CLINT1: variants seen among roughly 807,000 people sequenced by gnomAD.
CLINT1 encodes the protein clathrin interacting protein localized in the trans-Golgi region.
A neutral mutation model predicts 70.4 loss-of-function variants in CLINT1; 15 were observed. The observed-to-expected ratio is 0.21, with a 90% CI of 0.14 to 0.33. The LOEUF (loss-of-function observed/expected upper bound fraction) is 0.33. Among genes scored for constraint, CLINT1 ranks in the 10% least tolerant of loss-of-function variants. The probability of loss-of-function intolerance (pLI) is 1.00; values close to 1 mark genes in which losing one functional copy is unlikely to be tolerated. For missense variants in CLINT1, 615 were observed against 778.1 expected (o/e 0.79, Z 2.49); for synonymous variants, 227 against 254.7 (o/e 0.89, Z 1.04).
At chr5:157,798,347 T>C (rs1762122679) in intron 8 of CLINT1, among the ~76,000 whole-genome samples, 1 of 152,204 alleles carries the variant, frequency 6.6e-6, no homozygotes, top group East Asian at 1.9e-4. Flanking sequence ...AGAACTGTCA[T>C]TATAAATGAA....
At chr5:157,795,259 C>T (rs1022285289) in intron 8 of CLINT1, 3 of 321,222 alleles carry the variant, frequency 9.3e-6, no homozygotes, top group Non-Finnish European at 1.1e-5. Context: ...GGAAATAATA[C>T]AACTTATCTA....
chr5:157,821,151 C>T (rs1033411619), intron 1 of CLINT1, among the ~76,000 whole-genome samples: 1 of 152,014 alleles, frequency 6.6e-6, no homozygotes, highest in African/African-American at 2.4e-5. Flanking sequence ...TTTCTACTTA[C>T]ATTTCCTTTC....
chr5:157,815,150 A>ACACAG (rs1762681420), intron 3 of CLINT1, among the ~76,000 whole-genome samples: 1 of 135,728 alleles, frequency 7.4e-6, no homozygotes, highest in Admixed American at 7.4e-5. Context: ...CACACACACA[A>ACACAG]ATAGCTGGGT....
At chr5:157,832,059 C>G (rs1258455460) in intron 1 of CLINT1, among the ~76,000 whole-genome samples, 1 of 152,046 alleles carries the variant, frequency 6.6e-6, no homozygotes, top group Admixed American at 6.5e-5. Context: ...AGGATCTCGG[C>G]TCGCTGCAGT....
chr5:157,824,597 C>T (rs1000996501), intron 1 of CLINT1, among the ~76,000 whole-genome samples: 25 of 152,144 alleles, frequency 1.6e-4, no homozygotes, highest in Non-Finnish European at 3.5e-4. Context: ...GATAATTTTG[C>T]TATAGTAAAC....
intron 1 of CLINT1, among the ~76,000 whole-genome samples, chr5:157,824,771 A>C (rs1762983674): frequency 6.6e-6 from 1 of 152,228 alleles, no homozygotes; most frequent in Non-Finnish European, 1.5e-5. Context: ...CACAACTAGT[A>C]AATGGCATAT....
intron 3 of CLINT1, among the ~76,000 whole-genome samples, 175 bp downstream of exon 3, chr5:157,816,559 T>C (rs1031110543): frequency 6.6e-6 from 1 of 152,178 alleles, no homozygotes; most frequent in African/African-American, 2.4e-5. Flanking sequence ...TTCAGAACAA[T>C]TGTTCATGAT....
intron 8 of CLINT1, chr5:157,795,758 T>C (rs1287329841): frequency 2.0e-5 from 3 of 152,236 alleles, no homozygotes; most frequent in African/African-American, 7.2e-5. Context: ...TCTGGTGTGG[T>C]GGCTCATGCC....
At chr5:157,846,914 C>T (rs1400603063) in intron 1 of CLINT1, among the ~76,000 whole-genome samples, 1 of 152,198 alleles carries the variant, frequency 6.6e-6, no homozygotes, top group African/African-American at 2.4e-5. Context: ...TTTAAGCCCA[C>T]TGTTGAGATC....
intron 7 of CLINT1, among the ~76,000 whole-genome samples, chr5:157,805,221 T>C (rs1435949216): frequency 6.6e-6 from 1 of 152,140 alleles, no homozygotes; most frequent in Non-Finnish European, 1.5e-5. Context: ...AGACACAAAC[T>C]GGGGAAACAG....
intron 1 of CLINT1, among the ~76,000 whole-genome samples, chr5:157,840,262 A>C (rs1753127563): frequency 6.6e-6 from 1 of 151,356 alleles, no homozygotes; most frequent in South Asian, 2.1e-4. Flanking sequence ...AAAAAAAAAA[A>C]CAAAAAACTG....
intron 6 of CLINT1, 116 bp downstream of exon 6, chr5:157,809,512 A>AT: frequency 8.7e-6 from 6 of 691,218 alleles, no homozygotes; most frequent in Non-Finnish European, 1.1e-5. Context: ...AAAAAAAAAA[A>AT]GGCCCAATTT....
chr5:157,807,960 C>G (rs906599736), intron 6 of CLINT1, among the ~76,000 whole-genome samples: 1 of 152,036 alleles, frequency 6.6e-6, no homozygotes, highest in African/African-American at 2.4e-5. Flanking sequence ...CCTGAAATGT[C>G]TCTTTTTCAA....
chr5:157,814,765 T>C (rs1427035907), intron 3 of CLINT1, among the ~76,000 whole-genome samples: 1 of 152,142 alleles, frequency 6.6e-6, no homozygotes, highest in Non-Finnish European at 1.5e-5. Flanking sequence ...GCTCAGCGGC[T>C]CATGCCTGTA....
chr5:157,801,898 G>GT (rs35066308), intron 8 of CLINT1, among the ~76,000 whole-genome samples: 502 of 145,942 alleles, frequency 3.4e-3, no homozygotes, highest in Admixed American at 6.6e-3. Flanking sequence ...TTAAGTTAAA[G>GT]TTTTTTTTTT....
chr5:157,848,067 A>ACC (rs1404659726), intron 1 of CLINT1, among the ~76,000 whole-genome samples: 1 of 152,180 alleles, frequency 6.6e-6, no homozygotes, highest in Non-Finnish European at 1.5e-5. Flanking sequence ...TTGAACTCCC[A>ACC]AAGTACTGGG....
chr5:157,858,828 CA>C, intron 1 of CLINT1, 101 bp downstream of exon 1: 2 of 1,287,056 alleles, frequency 1.6e-6, no homozygotes, highest in Admixed American at 2.1e-5. Context: ...CTGGCAGAGC[CA>C]GGGGGCGTGA....
At chr5:157,838,114 GT>G (rs1490058552) in intron 1 of CLINT1, among the ~76,000 whole-genome samples, 1 of 135,434 alleles carries the variant, frequency 7.4e-6, no homozygotes, top group Non-Finnish European at 1.6e-5. Flanking sequence ...TTAAGTCAAG[GT>G]TTTTTTGTTT....
intron 10 of CLINT1, chr5:157,789,928 C>G (rs997589177): frequency 1.1e-4 from 24 of 216,842 alleles, no homozygotes; most frequent in African/African-American, 2.3e-5. Flanking sequence ...AGGCCAGGCG[C>G]AGTGACTTAT....
Sources: allele counts gnomAD v4.1 joint callset (sites outside exome capture counted in the v4.1 genomes callset), GRCh38; gene constraint gnomAD v4.1.1; transcripts MANE v1.5; gene names NCBI Gene and HGNC (gene_info 2026-07-23, HGNC 2026-07-21).